Variants in ONECUT1 observed in about 807,000 individuals in gnomAD.
ONECUT1 encodes the protein one cut homeobox 1.
Under a neutral mutation model 25.6 loss-of-function variants are expected in ONECUT1, and 12 were observed. That is an observed-to-expected ratio of 0.47 (90% CI 0.30 to 0.76). The LOEUF is 0.76. ONECUT1 is among the 30% of genes least tolerant of loss of function. The probability of loss-of-function intolerance (pLI) is 0.07; values close to 1 mark genes in which losing one functional copy is unlikely to be tolerated. For synonymous variants in ONECUT1, 285 were observed against 270.2 expected, an observed-to-expected ratio of 1.05 and a Z score of -0.54; for missense variants, 620 against 651.2, an observed-to-expected ratio of 0.95 and a Z score of 0.52.
rs755721630 is a variant in ONECUT1, at chr15:52,756,618, G to T, written c.*937C>A. On this transcript the variant is annotated 3_prime_UTR_variant, in exon 2 of 2. Coordinates refer to ENST00000305901, the MANE Select transcript of ONECUT1 (RefSeq NM_004498.4). ...TGCCATCTGGATGTACACGTGTACT[G>T]CATCGACCTCTCTGCCATGATATTA... Among the ~76,000 whole-genome samples the T allele has an allele frequency of 4.6e-5, 7 of 152,136 alleles. No homozygotes were observed. Among genetic ancestry groups the T allele is most frequent in the Non-Finnish European group, 8.8e-5 (6 of 68,016 alleles).
chr15:52,757,563 T>C lies in ONECUT1; in HGVS notation c.1390A>G (p.Lys464Glu), dbSNP rs369386688. 7 of 1,608,682 alleles carry C rather than the reference T, an allele frequency of 4.4e-6. No individual in the cohort carries two copies. In the African/African-American group the frequency reaches 9.4e-5, roughly 22 times the overall value. The change falls in exon 2 of 2, where the codon AAA (lysine) becomes GAA (glutamate). Residue 464 changes from lysine (K) to glutamate (E), a missense_variant. Lys to Glu is a moderately conservative substitution (Grantham distance 56). Coordinates refer to ENST00000305901, the MANE Select transcript of ONECUT1 (RefSeq NM_004498.4). ...NSSSSSSTCT[K>E]A The stretch of plus-strand genomic sequence containing the variant: ...AGTTTGTGGTTCTTCCTTCATGCTT[T>C]GGTACAAGTGCTTGATGAAGAAGAT...
Position 52,784,774 on chromosome 15 carries a change from CA to C in ONECUT1, c.1105+4005del, listed in dbSNP as rs938188903. ...CTAGGTGTGTGTGTGTGAGGGTCCC[CA>C]GTTGACTACCGGGATGCACTGCCAC... is the stretch of plus-strand genomic sequence containing the variant. On this transcript the variant is annotated intron_variant, in intron 1 of 1. Transcript: ENST00000305901. This position sits in a 1 kb window ranked among gnomAD's most constrained non-coding sequence, Gnocchi z 5.0. Among the ~76,000 whole-genome samples, 2 of 152,210 alleles carry C rather than the reference CA, an allele frequency of 1.3e-5. No homozygotes were observed. The highest frequency in any genetic ancestry group is 3.9e-4 in the East Asian group (2 of 5,192).
rs114304751 is a variant in ONECUT1, at chr15:52,789,999, C to T, written c.-115G>A. The T allele has an allele frequency of 6.6e-4, 917 of 1,391,708 alleles. 2 individuals are homozygous for T. In the African/African-American group the frequency reaches 0.012, roughly 18 times the overall value. The allele number at this position is 1,391,708 out of a possible 1,614,324, so 86.2% of individuals were successfully genotyped here. ...CTGCTGGCGACTGTTGCCTTCCTTC[C>T]TCTCACTGTGGGGCTCTGTCTCTCT... On this transcript the variant is annotated 5_prime_UTR_variant, in exon 1 of 2. Coordinates refer to ENST00000305901, the MANE Select transcript of ONECUT1 (RefSeq NM_004498.4). The surrounding 1 kb of genome is among the most constrained non-coding windows in gnomAD (Gnocchi z 4.1).
intron 1 of ONECUT1, among the ~76,000 whole-genome samples, chr15:52,775,158 C>G (rs950225256): frequency 6.0e-5 from 9 of 149,948 alleles, no homozygotes; most frequent in Admixed American, 3.3e-4. Flanking sequence ...CCACTGCACT[C>G]CAGCCTGGGT....
chr15:52,788,772 C>G lies in ONECUT1; in HGVS notation c.1105+8G>C, dbSNP rs752558702. Reference sequence around the variant, plus strand: ...TCTCCCGCGCGCCCAGCTCCTTGGCCGGCTCACCTGCTAAGCGGAGCGCGG... The same window carrying G: ...TCTCCCGCGCGCCCAGCTCCTTGGCGGGCTCACCTGCTAAGCGGAGCGCGG... On this transcript the variant is annotated splice_region_variant and intron_variant, in intron 1 of 1. Coordinates refer to ENST00000305901, the MANE Select transcript of ONECUT1 (RefSeq NM_004498.4). This position sits in a 1 kb window ranked among gnomAD's most constrained non-coding sequence, Gnocchi z 4.3. 2 of 1,602,016 alleles carry G rather than the reference C, an allele frequency of 1.2e-6. No homozygotes were observed. The highest frequency in any genetic ancestry group is 1.1e-5 in the South Asian group (1 of 89,900).
intron 1 of ONECUT1, chr15:52,786,985 TG>T (rs1596058226): frequency 6.6e-6 from 1 of 152,352 alleles, no homozygotes; most frequent in African/African-American, 2.4e-5. Context: ...TGGGGTGGTG[TG>T]GGTGTGTGAA....
intron 1 of ONECUT1, among the ~76,000 whole-genome samples, chr15:52,758,409 T>C (rs998230580): frequency 6.6e-6 from 1 of 152,212 alleles, no homozygotes; most frequent in Non-Finnish European, 1.5e-5. Flanking sequence ...CCTTCTGATC[T>C]TTTTTATTTT....
At chr15:52,769,546 T>C (rs1017708613) in intron 1 of ONECUT1, among the ~76,000 whole-genome samples, 1 of 152,174 alleles carries the variant, frequency 6.6e-6, no homozygotes, top group African/African-American at 2.4e-5. Context: ...ATAGCTGAAA[T>C]GTCACTGACT....
At chr15:52,772,488 G>T (rs955500892) in intron 1 of ONECUT1, among the ~76,000 whole-genome samples, 1 of 152,148 alleles carries the variant, frequency 6.6e-6, no homozygotes, top group Non-Finnish European at 1.5e-5. Flanking sequence ...GAAAGAGGAA[G>T]TTGGGTGAGA....
Position 52,790,012 on chromosome 15 carries a change from G to GCTCT in ONECUT1, c.-132_-129dup. 1 of 1,348,318 alleles carries GCTCT rather than the reference G, an allele frequency of 7.4e-7. No individual in the cohort carries two copies. Among genetic ancestry groups the GCTCT allele is most frequent in the Non-Finnish European group, 9.6e-7 (1 of 1,046,946 alleles). The allele number at this position is 1,348,318 out of a possible 1,614,324, so 83.5% of individuals were successfully genotyped here. A position where few individuals can be genotyped will look rare whatever the true frequency, so the allele number is the denominator to read the frequency against. On this transcript the variant is annotated 5_prime_UTR_variant, in exon 1 of 2. Coordinates refer to ENST00000305901, the MANE Select transcript of ONECUT1 (RefSeq NM_004498.4). Reference sequence around the variant, plus strand: ...TTGCCTTCCTTCCTCTCACTGTGGGGCTCTGTCTCTCTCTCTCTCTCTCTC... The same window carrying GCTCT: ...TTGCCTTCCTTCCTCTCACTGTGGGGCTCTCTCTGTCTCTCTCTCTCTCTCTCTC...
At chr15:52,777,737 C>CACACACACACAAAAAAAAA (rs57187579) in intron 1 of ONECUT1, among the ~76,000 whole-genome samples, 7 of 103,450 alleles carry the variant, frequency 6.8e-5, no homozygotes, top group African/African-American at 3.1e-4. Context: ...CACACACACA[C>CACACACACACAAAAAAAAA]AAAAAAACAT....
intron 1 of ONECUT1, among the ~76,000 whole-genome samples, chr15:52,776,100 C>T (rs1566991891): frequency 6.6e-6 from 1 of 152,176 alleles, no homozygotes; most frequent in Non-Finnish European, 1.5e-5. Flanking sequence ...CCAAAGGACC[C>T]ACAATCTTCA....
Position 52,757,810 on chromosome 15 carries a change from T to C in ONECUT1, c.1143A>G (p.Arg381=), listed in dbSNP as rs2083682698. Residue 381 remains arginine, a synonymous_variant, in exon 2 of 2, where the codon AGA becomes AGG. Transcript: ENST00000305901. ...KRKEQEHGKD[R]GNTPKKPRLV... is the part of the protein sequence containing the mutation. ...ACCTGGGCTTTTTGGGTGTGTTGCCTCTATCCTTCCCATGTTCTTGTTCTT... is the reference window on the plus strand; with the variant it reads ...ACCTGGGCTTTTTGGGTGTGTTGCCCCTATCCTTCCCATGTTCTTGTTCTT... The C allele has an allele frequency of 6.2e-7, 1 of 1,614,132 alleles. No individual in the cohort carries two copies. The highest frequency in any genetic ancestry group is 8.5e-7 in the Non-Finnish European group (1 of 1,179,988).
chr15:52,762,150 A>G lies in ONECUT1; in HGVS notation c.1106-4303T>C, dbSNP rs141266938. 4.5e-4 allele frequency among the ~76,000 whole-genome samples: 69 copies of G among 152,344 alleles called. 1 individual carries two copies. The highest frequency in any genetic ancestry group is 1.4e-3 in the African/African-American group (60 of 41,564). ...AAAAGGCAGAGCTAAGGGAAATCAGAAAGAGATATTCATCTTCCATCTAGC... is the reference window on the plus strand; with the variant it reads ...AAAAGGCAGAGCTAAGGGAAATCAGGAAGAGATATTCATCTTCCATCTAGC... On this transcript the variant is annotated intron_variant, in intron 1 of 1. Transcript: ENST00000305901.
rs1323797959 is a variant in ONECUT1, at chr15:52,784,210, T to TGGGTCCTCTGCTGCTAC, written c.1105+4553_1105+4569dup. The stretch of plus-strand genomic sequence containing the variant: ...ATAAGGAGAGGCGCATCCTGGGATT[T>TGGGTCCTCTGCTGCTAC]GGGTCCTCTGCTGCTACAACACAAC... On this transcript the variant is annotated intron_variant, in intron 1 of 1. Coordinates refer to ENST00000305901, the MANE Select transcript of ONECUT1 (RefSeq NM_004498.4). The surrounding 1 kb of genome is among the most constrained non-coding windows in gnomAD (Gnocchi z 5.0). 5.9e-5 allele frequency among the ~76,000 whole-genome samples: 9 copies of TGGGTCCTCTGCTGCTAC among 152,144 alleles called. No individual in the cohort carries two copies. The highest frequency in any genetic ancestry group is 1.2e-4 in the Non-Finnish European group (8 of 68,034).
At chr15:52,770,626 C>A (rs879480774) in intron 1 of ONECUT1, among the ~76,000 whole-genome samples, 36 of 152,194 alleles carry the variant, frequency 2.4e-4, no homozygotes, top group Admixed American at 2.6e-4. Context: ...CATTTTGGAA[C>A]CTCATCCTAT....
chr15:52,768,838 C>G (rs912016424), intron 1 of ONECUT1, among the ~76,000 whole-genome samples: 1 of 152,164 alleles, frequency 6.6e-6, no homozygotes, highest in Non-Finnish European at 1.5e-5. Context: ...CAATGACATG[C>G]ATGATACAAT....
chr15:52,780,337 C>T (rs1161766589), intron 1 of ONECUT1, among the ~76,000 whole-genome samples: 1 of 152,324 alleles, frequency 6.6e-6, no homozygotes, highest in Admixed American at 6.5e-5. Flanking sequence ...TTTTAATCAG[C>T]ACTTCCCCCT....
intron 1 of ONECUT1, chr15:52,780,797 C>T (rs1854567772): frequency 7.2e-7 from 1 of 1,385,242 alleles, no homozygotes; most frequent in African/African-American, 1.5e-5. Flanking sequence ...TATTGCGTTC[C>T]TTCGATAACC....
Sources: gnomAD v4.1 joint callset for allele counts (sites outside exome capture counted in the v4.1 genomes callset) on GRCh38, gnomAD v4.1.1 for gene constraint, Gnocchi (gnomAD v3.1) non-coding constraint, MANE v1.5 for transcripts, NCBI Gene and HGNC (gene_info 2026-07-23, HGNC 2026-07-21) for gene names.